ITPR3: variants seen among roughly 807,000 people sequenced by gnomAD.
The protein encoded by ITPR3 is inositol 1,4,5-trisphosphate receptor type 3.
In ITPR3, 173 loss-of-function variants were observed where a neutral mutation model predicts 293.2. The ratio of observed to expected loss-of-function variants is 0.59; its 90% CI spans 0.52 to 0.67. The LOEUF (loss-of-function observed/expected upper bound fraction) is 0.67, where lower values mean the gene tolerates loss of function less well. Ranked by LOEUF, ITPR3 falls within the 30% of genes least tolerant of loss-of-function variation. ITPR3 has a pLI of 0.00. For synonymous variants in ITPR3, 1,295 were observed against 1,444.4 expected (o/e 0.90, Z 2.35); for missense variants, 2,796 against 3,592.1 (o/e 0.78, Z 5.66).
chr6:33,674,349 G>T, intron 24 of ITPR3, 84 bp downstream of exon 24: 1 of 1,348,676 alleles, frequency 7.4e-7, no homozygotes, highest in South Asian at 1.3e-5. Context: ...TCCTGGGCTG[G>T]GGGCTGGCTC....
intron 32 of ITPR3, 47 bp downstream of exon 32, chr6:33,680,501 G>A: frequency 6.2e-7 from 1 of 1,610,868 alleles, no homozygotes; most frequent in Non-Finnish European, 8.5e-7. Flanking sequence ...GGAGGTGTGG[G>A]AGTGGAGGGG....
At chr6:33,642,113 C>T (rs901155416) in intron 2 of ITPR3, among the ~76,000 whole-genome samples, 2 of 152,208 alleles carry the variant, frequency 1.3e-5, no homozygotes, top group Non-Finnish European at 2.9e-5. Flanking sequence ...CAGGGCCCCT[C>T]CCCAGCGTCC....
At chr6:33,673,495 G>T (rs1396376838) in intron 22 of ITPR3, 96 bp from the exon 23 acceptor site, 24 of 1,506,332 alleles carry the variant, frequency 1.6e-5, no homozygotes, top group Non-Finnish European at 2.2e-5. Flanking sequence ...CTATTTGGGG[G>T]CTCCCTGCCC....
chr6:33,667,708 G>A lies in ITPR3; in HGVS notation c.1714-84G>A, dbSNP rs1215877873. ...TAGGGTATTGGGTCCTTACCTCGGG[G>A]TTTGGGGGCAGCGTTCCAGAGCAGA... On this transcript the variant is annotated intron_variant, in intron 15 of 57. Coordinates refer to ENST00000605930, the MANE Select transcript of ITPR3 (RefSeq NM_002224.4). This position sits in a 1 kb window ranked among gnomAD's most constrained non-coding sequence, Gnocchi z 4.4. The A allele has an allele frequency of 2.0e-6, 3 of 1,503,116 alleles. No homozygotes were observed. The highest frequency in any genetic ancestry group is 2.7e-6 in the Non-Finnish European group (3 of 1,102,196). 93.1% of individuals were successfully genotyped at this position (1,503,116 alleles called of 1,614,324 possible).
At position 33,691,738 on chromosome 6, in the gene ITPR3, C is replaced by T; in HGVS notation, c.7330+19C>T. On this transcript the variant is annotated intron_variant, in intron 53 of 57. Transcript: ENST00000605930. This position sits in a 1 kb window ranked among gnomAD's most constrained non-coding sequence, Gnocchi z 4.9. ...CTGGAAGGTGAGGGTGGTGTGTGTG[C>T]AGGAGTCTGTGTGGGGTAGGAGGAG... is the stretch of plus-strand genomic sequence containing the variant. 1 of 1,613,500 alleles carries T rather than the reference C, an allele frequency of 6.2e-7. No individual in the cohort carries two copies. Among genetic ancestry groups the T allele is most frequent in the Non-Finnish European group, 8.5e-7 (1 of 1,179,808 alleles).
intron 39 of ITPR3, 94 bp downstream of exon 39, chr6:33,685,037 G>A (rs1204114277): frequency 7.1e-7 from 1 of 1,417,940 alleles, no homozygotes; most frequent in Non-Finnish European, 9.6e-7. Context: ...GGCCGAGGAG[G>A]GTGTGAAAGA....
At position 33,684,894 on chromosome 6, in the gene ITPR3, G is replaced by A. The variant is rs1765183019; in HGVS notation, c.5258G>A (p.Ser1753Asn). Residue 1753 changes from serine (S) to asparagine (N), a missense_variant, in exon 39 of 58, where the codon AGC becomes AAC. Ser to Asn is a conservative substitution (Grantham distance 46, BLOSUM62 1). Around this residue, in one of 8 missense-constraint regions of ITPR3, gnomAD observed 704 missense variants for 797.5 expected, o/e 0.88. Transcript: ENST00000605930. The surrounding 1 kb of genome is among the most constrained non-coding windows in gnomAD (Gnocchi z 4.2). ...AAGAACGAGAAGATCTTCCAGGAGA[G>A]CATCGGCCTGGCCATCCACCTGCTG... is the stretch of plus-strand genomic sequence containing the variant. ...STKNEKIFQE[S>N]IGLAIHLLDG... 6.2e-7 allele frequency: 1 copy of A among 1,613,860 alleles called. No homozygotes were observed. The highest frequency in any genetic ancestry group is 1.1e-5 in the South Asian group (1 of 91,068).
intron 2 of ITPR3, among the ~76,000 whole-genome samples, chr6:33,652,765 A>G (rs1764222062): frequency 6.6e-6 from 1 of 152,070 alleles, no homozygotes; most frequent in South Asian, 2.1e-4. Context: ...TGCCTGGCCT[A>G]TATATCCATA....
Position 33,670,319 on chromosome 6 carries a change from C to T in ITPR3, c.2190-6C>T. On this transcript the variant is annotated splice_polypyrimidine_tract_variant and splice_region_variant and intron_variant, in intron 18 of 57. Transcript: ENST00000605930. The surrounding 1 kb of genome is among the most constrained non-coding windows in gnomAD (Gnocchi z 6.7). ...CCGTGTCCTCACAGTCCTCCCTGTC[C>T]TGCAGGTACCAGCTGAAGCTCTTTG... The T allele has an allele frequency of 6.2e-7, 1 of 1,613,988 alleles. No individual in the cohort carries two copies. Among genetic ancestry groups the T allele is most frequent in the Non-Finnish European group, 8.5e-7 (1 of 1,180,026 alleles).
At chr6:33,665,021 C>T (rs1764574490) in intron 12 of ITPR3, 32 bp from the exon 13 acceptor site, 2 of 1,613,442 alleles carry the variant, frequency 1.2e-6, no homozygotes, top group African/African-American at 1.3e-5. Context: ...GGAGCTTGTT[C>T]CCAGGTGCCC....
rs757589517 is a variant in ITPR3, at chr6:33,677,524, G to A, written c.3543G>A (p.Lys1181=). ...TGCAGATCCTGGAAAGGCTGAACAA[G>A]ATGTGCGGGGTTGGGGAGCAAATGA... ...IVKGILERLN[K]MCGVGEQMRK... is the part of the protein sequence containing the mutation. The change falls in exon 28 of 58, where the codon AAG becomes AAA. Residue 1181 remains lysine, a synonymous_variant. Transcript: ENST00000605930. 1 of 1,614,004 alleles carries A rather than the reference G, an allele frequency of 6.2e-7. No homozygotes were observed. Among genetic ancestry groups the A allele is most frequent in the South Asian group, 1.1e-5 (1 of 91,064 alleles).
chr6:33,686,368 G>A (rs1248058365), intron 42 of ITPR3, 41 bp from the exon 43 acceptor site: 1 of 1,599,670 alleles, frequency 6.3e-7, no homozygotes, highest in African/African-American at 1.3e-5. Context: ...CCACTATTCT[G>A]AGAGGGCCTG....
At chr6:33,625,163 G>A (rs1763522823) in intron 1 of ITPR3, among the ~76,000 whole-genome samples, 1 of 152,186 alleles carries the variant, frequency 6.6e-6, no homozygotes, top group Non-Finnish European at 1.5e-5. Flanking sequence ...TCAGGCCAGT[G>A]GCTAGGGAGA....
At chr6:33,690,864 G>C (rs933875710) in intron 51 of ITPR3, 53 bp from the exon 52 acceptor site, 151 of 1,550,036 alleles carry the variant, frequency 9.7e-5, no homozygotes, top group Non-Finnish European at 1.3e-4. Context: ...CCCAGTGAGA[G>C]TGGCCGGCCC....
intron 9 of ITPR3, 29 bp downstream of exon 9, chr6:33,663,035 G>A (rs770609647): frequency 7.0e-6 from 11 of 1,562,418 alleles, no homozygotes; most frequent in Non-Finnish European, 9.6e-6. Context: ...GCATGCTGGG[G>A]CTCGTGTGTG....
At position 33,666,052 on chromosome 6, in the gene ITPR3, C is replaced by G; in HGVS notation, c.1551+76C>G. 1 of 1,507,168 alleles carries G rather than the reference C, an allele frequency of 6.6e-7. No individual in the cohort carries two copies. Among genetic ancestry groups the G allele is most frequent in the Non-Finnish European group, 9.0e-7 (1 of 1,115,392 alleles). 93.4% of individuals were successfully genotyped at this position (1,507,168 alleles called of 1,614,324 possible). ...GGATGCCTTCAACTGCAGGCTCATC[C>G]CCCGCTTTAACAAAAATCAGTATAT... On this transcript the variant is annotated intron_variant, in intron 14 of 57. Coordinates refer to ENST00000605930, the MANE Select transcript of ITPR3 (RefSeq NM_002224.4). The surrounding 1 kb of genome is among the most constrained non-coding windows in gnomAD (Gnocchi z 5.1).
At chr6:33,676,158 G>A (rs1044798413) in intron 25 of ITPR3, among the ~76,000 whole-genome samples, 1 of 152,248 alleles carries the variant, frequency 6.6e-6, no homozygotes, top group Admixed American at 6.5e-5. Flanking sequence ...ATTTGCTATT[G>A]TGATGTCACG....
Position 33,670,555 on chromosome 6 carries a change from C to T in ITPR3, c.2420C>T (p.Pro807Leu), listed in dbSNP as rs2127282638. 2 of 1,613,356 alleles carry T rather than the reference C, an allele frequency of 1.2e-6. No individual in the cohort carries two copies. The highest frequency in any genetic ancestry group is 1.1e-5 in the South Asian group (1 of 91,040). Reference protein sequence around the residue: ...VKFARLWTEIPTAITIKDYDS... With the variant: ...VKFARLWTEILTAITIKDYDS... ...TTTGCCCGTCTCTGGACTGAGATCC[C>T]CACAGCCATCACCATCAAGGAGTGA... Residue 807 changes from proline to leucine, a missense_variant, in exon 19 of 58, where the codon CCC becomes CTC. Pro to Leu is a moderately conservative substitution (Grantham distance 98, BLOSUM62 -3). Coordinates refer to ENST00000605930, the MANE Select transcript of ITPR3 (RefSeq NM_002224.4). The surrounding 1 kb of genome is among the most constrained non-coding windows in gnomAD (Gnocchi z 6.7).
Position 33,638,974 on chromosome 6 carries a change from T to C in ITPR3, c.90-1510T>C, listed in dbSNP as rs940795012. Among the ~76,000 whole-genome samples, 8 of 152,222 alleles carry C rather than the reference T, an allele frequency of 5.3e-5. No individual in the cohort carries two copies. The highest frequency in any genetic ancestry group is 2.1e-4 in the South Asian group (1 of 4,830). On this transcript the variant is annotated intron_variant, in intron 1 of 57. Coordinates refer to ENST00000605930, the MANE Select transcript of ITPR3 (RefSeq NM_002224.4). The surrounding 1 kb of genome is among the most constrained non-coding windows in gnomAD (Gnocchi z 4.3). ...TTAAGGCACTGCAGGCTGCCAGGACTGCCTCTGGAGAGATGAGAGCTCCAG... is the reference window on the plus strand; with the variant it reads ...TTAAGGCACTGCAGGCTGCCAGGACCGCCTCTGGAGAGATGAGAGCTCCAG...
Sources: gnomAD v4.1 joint callset for allele counts (sites outside exome capture counted in the v4.1 genomes callset) on GRCh38, gnomAD v4.1.1 for gene constraint, gnomAD v4.1.1 regional missense constraint, Gnocchi (gnomAD v3.1) non-coding constraint, MANE v1.5 for transcripts, NCBI Gene and HGNC (gene_info 2026-07-23, HGNC 2026-07-21) for gene names.